The following EXOC5 variants were observed in gnomAD, a reference collection of about 807,000 sequenced individuals.
EXOC5 encodes the protein SEC10-like 1.
Under a neutral mutation model 90.8 loss-of-function variants are expected in EXOC5, and 17 were observed. That is an observed-to-expected ratio of 0.19 (90% CI 0.13 to 0.28). EXOC5 has a LOEUF of 0.28. Among genes scored for constraint, EXOC5 ranks in the 10% least tolerant of loss-of-function variants. The probability of loss-of-function intolerance (pLI) is 1.00; values close to 1 mark genes in which losing one functional copy is unlikely to be tolerated. For missense variants in EXOC5, 569 were observed against 830.6 expected (o/e 0.69, Z 3.87); for synonymous variants, 260 against 270.0 (o/e 0.96, Z 0.36).
At chr14:57,239,837 G>C (rs1883802865) in intron 4 of EXOC5, among the ~76,000 whole-genome samples, 178 bp from the exon 5 acceptor site, 1 of 152,076 alleles carries the variant, frequency 6.6e-6, no homozygotes. Context: ...TACATTTGGG[G>C]TGTTACCAAT....
chr14:57,214,648 T>C (rs1882922780), intron 15 of EXOC5, among the ~76,000 whole-genome samples: 1 of 152,182 alleles, frequency 6.6e-6, no homozygotes, highest in Non-Finnish European at 1.5e-5. Context: ...TGTTATGTGA[T>C]ATTCTCCAAC....
rs774200204 is a variant in EXOC5, at chr14:57,233,710, A to G, written c.855+33T>C. 1.0e-5 allele frequency: 13 copies of G among 1,301,800 alleles called. No homozygotes were observed. In the African/African-American group the frequency reaches 1.6e-4, roughly 16 times the overall value. 80.6% of individuals were successfully genotyped at this position (1,301,800 alleles called of 1,614,324 possible). On this transcript the variant is annotated intron_variant, in intron 9 of 17. Coordinates refer to ENST00000621441, the MANE Select transcript of EXOC5 (RefSeq NM_006544.4). ...AGGGAAAAAATTACATATTGCTTTA[A>G]GAACTATTTAATTTGTTACTATTTA...
In EXOC5 at chr14:57,219,386, G is replaced by C; in HGVS notation, c.1462C>G (p.Gln488Glu). 6.4e-7 allele frequency: 1 copy of C among 1,552,606 alleles called. No individual in the cohort carries two copies. The highest frequency in any genetic ancestry group is 8.8e-7 in the Non-Finnish European group (1 of 1,142,660). The change falls in exon 14 of 18, where the codon CAG (glutamine) becomes GAG (glutamate). Residue 488 changes from glutamine to glutamate, a missense_variant. By Grantham distance (29) the Gln-to-Glu change is conservative. This residue lies in a region of EXOC5 where 34 missense variants were observed against 101.1 expected (regional missense o/e 0.34). Coordinates refer to ENST00000621441, the MANE Select transcript of EXOC5 (RefSeq NM_006544.4). ...AAAAGATGAAAAATAGTATTGGCCT[G>C]TTGCACAACGTCCAAAAAATAAAGA... Reference protein sequence around the residue: ...ANLYFLDVVQQANTIFHLFDK... With the variant: ...ANLYFLDVVQEANTIFHLFDK...
Position 57,235,800 on chromosome 14 carries a change from A to G in EXOC5, c.580T>C (p.Cys194Arg), listed in dbSNP as rs1393329998. ...CTGGTAAACTCCTGAATCAGCTGGCATTCTAAATCATGGTATTTACCTAAA... is the reference window on the plus strand; with the variant it reads ...CTGGTAAACTCCTGAATCAGCTGGCGTTCTAAATCATGGTATTTACCTAAA... The part of the protein sequence containing the change: ...KIASKYHDLE[C>R]QLIQEFTSAQ... The change falls in exon 7 of 18, where the codon TGC becomes CGC. Residue 194 changes from cysteine to arginine, a missense_variant. Around this residue, in one of 9 missense-constraint regions of EXOC5, gnomAD observed 97 missense variants for 177.9 expected, o/e 0.55. Transcript: ENST00000621441. 1 of 1,551,882 alleles carries G rather than the reference A, an allele frequency of 6.4e-7. No homozygotes were observed. Among genetic ancestry groups the G allele is most frequent in the East Asian group, 2.4e-5 (1 of 42,112 alleles).
Position 57,201,651 on chromosome 14 carries a change from G to T in EXOC5, c.*6958C>A, listed in dbSNP as rs1211296402. On this transcript the variant is annotated 3_prime_UTR_variant, in exon 18 of 18. Transcript: ENST00000621441. ...TGTAATCCCAGGACTTTGGGAGGTT[G>T]AGGTGGGCAGATCACTTAAGGCTAG... The T allele has an allele frequency of 2.0e-5, 3 of 149,850 alleles. No individual in the cohort carries two copies. Among genetic ancestry groups the T allele is most frequent in the Non-Finnish European group, 3.0e-5 (2 of 67,554 alleles). 9.3% of individuals were successfully genotyped at this position (149,850 alleles called of 1,614,324 possible).
intron 8 of EXOC5, 23 bp downstream of exon 8, chr14:57,233,965 A>G (rs1208172143): frequency 1.3e-6 from 2 of 1,595,866 alleles, no homozygotes; most frequent in Admixed American, 3.3e-5. Context: ...AATAATATCC[A>G]ACAAAGTGTA....
At chr14:57,261,846 T>TA (rs1884511445) in intron 1 of EXOC5, among the ~76,000 whole-genome samples, 1 of 152,212 alleles carries the variant, frequency 6.6e-6, no homozygotes. Context: ...GCATGGCTGC[T>TA]AGAGTCCAAG....
chr14:57,206,082 C>G lies in EXOC5; in HGVS notation c.*2527G>C. 1 of 438,890 alleles carries G rather than the reference C, an allele frequency of 2.3e-6. No individual in the cohort carries two copies. Among genetic ancestry groups the G allele is most frequent in the Non-Finnish European group, 4.5e-6 (1 of 219,936 alleles). 27.2% of individuals were successfully genotyped at this position (438,890 alleles called of 1,614,324 possible). On this transcript the variant is annotated 3_prime_UTR_variant, in exon 18 of 18. Transcript: ENST00000621441. The stretch of plus-strand genomic sequence containing the variant: ...TTCTCAATTTTAGAAAAACAATGCA[C>G]AGTGTGTTAAGAGCATATTTTCAAC...
chr14:57,218,127 T>C (rs536573130), intron 14 of EXOC5, 59 bp from the exon 15 acceptor site: 3 of 792,760 alleles, frequency 3.8e-6, no homozygotes, highest in Non-Finnish European at 6.4e-6. Flanking sequence ...TTTCTAAAAG[T>C]TTTTCATACA....
In EXOC5 at chr14:57,268,887, A is replaced by T. The variant is rs914338393; in HGVS notation, c.-239T>A. On this transcript the variant is annotated 5_prime_UTR_variant, in exon 1 of 18. It removes an upstream start codon present in the reference 5' UTR. Transcript: ENST00000621441. ...GCGCTGCTCCCATTGTCACCGCCTCATACGCCGGAAGTGGAACTGCGCGCG... is the reference window on the plus strand; with the variant it reads ...GCGCTGCTCCCATTGTCACCGCCTCTTACGCCGGAAGTGGAACTGCGCGCG... 16 of 1,096,656 alleles carry T rather than the reference A, an allele frequency of 1.5e-5. No individual in the cohort carries two copies. The highest frequency in any genetic ancestry group is 3.1e-4 in the Middle Eastern group (1 of 3,182). 67.9% of individuals were successfully genotyped at this position (1,096,656 alleles called of 1,614,324 possible).
chr14:57,238,375 T>TATATATACACAC (rs1239623225), intron 5 of EXOC5, among the ~76,000 whole-genome samples: 78 of 74,898 alleles, frequency 1.0e-3, no homozygotes, highest in South Asian at 3.8e-3. Flanking sequence ...TATATATATA[T>TATATATACACAC]ACACACACAC....
intron 1 of EXOC5, among the ~76,000 whole-genome samples, chr14:57,253,286 C>G (rs1271910305): frequency 6.6e-6 from 1 of 152,078 alleles, no homozygotes; most frequent in South Asian, 2.1e-4. Flanking sequence ...CCATTTACAA[C>G]AGCACCAAAA....
At position 57,201,493 on chromosome 14, in the gene EXOC5, C is replaced by CATAG. The variant is rs374115115; in HGVS notation, c.*7115_*7116insCTAT. ...ATGTACACACACGTGTATAAACACACGTGTATATACACACACATATGTATA... is the reference window on the plus strand; with the variant it reads ...ATGTACACACACGTGTATAAACACACATAGGTGTATATACACACACATATGTATA... On this transcript the variant is annotated 3_prime_UTR_variant, in exon 18 of 18. Coordinates refer to ENST00000621441, the MANE Select transcript of EXOC5 (RefSeq NM_006544.4). The CATAG allele has an allele frequency of 6.9e-6, 1 of 144,568 alleles. No homozygotes were observed. Among genetic ancestry groups the CATAG allele is most frequent in the African/African-American group, 2.6e-5 (1 of 38,260 alleles). The allele number at this position is 144,568 out of a possible 1,614,324, so 9.0% of individuals were successfully genotyped here.
intron 10 of EXOC5, 162 bp from the exon 11 acceptor site, chr14:57,231,877 G>A (rs937131388): frequency 2.1e-5 from 12 of 563,068 alleles, no homozygotes; most frequent in Non-Finnish European, 3.4e-5. Context: ...AACTCTACAG[G>A]GTTACATATA....
chr14:57,222,442 C>A, intron 12 of EXOC5, 26 bp from the exon 13 acceptor site: 1 of 1,331,606 alleles, frequency 7.5e-7, no homozygotes, highest in Non-Finnish European at 1.1e-6. Context: ...CAAACAATAT[C>A]ACTCCTCAAG....
chr14:57,243,069 T>C (rs1424601393), intron 4 of EXOC5, among the ~76,000 whole-genome samples: 1 of 152,010 alleles, frequency 6.6e-6, no homozygotes, highest in Non-Finnish European at 1.5e-5. Flanking sequence ...ACATACACAG[T>C]GATATAATGG....
At position 57,206,400 on chromosome 14, in the gene EXOC5, G is replaced by C. The variant is rs1191309471; in HGVS notation, c.*2209C>G. The C allele has an allele frequency of 1.3e-5, 2 of 154,554 alleles. No homozygotes were observed. Among genetic ancestry groups the C allele is most frequent in the Non-Finnish European group, 2.8e-5 (2 of 70,482 alleles). The allele number at this position is 154,554 out of a possible 1,614,324, so 9.6% of individuals were successfully genotyped here. On this transcript the variant is annotated 3_prime_UTR_variant, in exon 18 of 18. Coordinates refer to ENST00000621441, the MANE Select transcript of EXOC5 (RefSeq NM_006544.4). ...ATGACACATTTTTTTTTTTCCCTCA[G>C]AGAAAGACCATCTGTTTAGGATAAA...
rs756735143 is a variant in EXOC5 at position 57,209,796 on chromosome 14, T to C, written c.1723-14A>G. ...TTTTACACAGGCCTATAAAAGTTTT[T>C]CTACACTCATTACACAGGAATGTAT... On this transcript the variant is annotated splice_polypyrimidine_tract_variant and intron_variant, in intron 16 of 17. Coordinates refer to ENST00000621441, the MANE Select transcript of EXOC5 (RefSeq NM_006544.4). 6.5e-7 allele frequency: 1 copy of C among 1,548,884 alleles called. No individual in the cohort carries two copies. Among genetic ancestry groups the C allele is most frequent in the Non-Finnish European group, 8.9e-7 (1 of 1,126,728 alleles).
chr14:57,221,475 C>T (rs1212435848), intron 13 of EXOC5, among the ~76,000 whole-genome samples: 1 of 152,074 alleles, frequency 6.6e-6, no homozygotes, highest in Non-Finnish European at 1.5e-5. Context: ...CACAGGGAGA[C>T]CAGTTACAAG....
Sources: gnomAD v4.1 joint callset for allele counts (sites outside exome capture counted in the v4.1 genomes callset) on GRCh38, gnomAD v4.1.1 for gene constraint, gnomAD v4.1.1 regional missense constraint, MANE v1.5 for transcripts, NCBI Gene and HGNC (gene_info 2026-07-23, HGNC 2026-07-21) for gene names.